The following SCAI variants were observed in gnomAD, a reference collection of about 807,000 sequenced individuals.
SCAI encodes suppressor of cancer cell invasion, also known as protein SCAI.
SCAI carries 24 observed loss-of-function variants against 92.2 expected under a neutral mutation model. The observed-to-expected ratio is 0.26, with a 90% CI of 0.19 to 0.37. SCAI has a LOEUF of 0.37. SCAI is among the 10% of genes least tolerant of loss of function. SCAI has a pLI of 1.00. For synonymous variants in SCAI, 261 were observed against 258.6 expected (o/e 1.01, Z -0.09); for missense variants, 450 against 736.2 (o/e 0.61, Z 4.50).
intron 9 of SCAI, among the ~76,000 whole-genome samples, chr9:125,004,988 A>G (rs748766265): frequency 5.3e-5 from 8 of 150,722 alleles, no homozygotes; most frequent in Non-Finnish European, 1.2e-4. Context: ...GGGTTTCTCC[A>G]TGTTGGTCAG....
At chr9:125,004,139 G>A (rs1832422582) in intron 9 of SCAI, among the ~76,000 whole-genome samples, 1 of 151,978 alleles carries the variant, frequency 6.6e-6, no homozygotes, top group Non-Finnish European at 1.5e-5. Context: ...TCGCACCATC[G>A]TATTCCAGCC....
intron 17 of SCAI, among the ~76,000 whole-genome samples, chr9:124,957,223 G>C (rs965990762): frequency 1.3e-5 from 2 of 151,910 alleles, no homozygotes; most frequent in Admixed American, 6.6e-5. Context: ...CAACTCCTGG[G>C]ATCAAGTGAT....
intron 2 of SCAI, among the ~76,000 whole-genome samples, chr9:125,089,935 T>C (rs1834398444): frequency 6.6e-6 from 1 of 152,204 alleles, no homozygotes; most frequent in Non-Finnish European, 1.5e-5. Flanking sequence ...ATAACAGATA[T>C]GTAAATGACT....
intron 2 of SCAI, among the ~76,000 whole-genome samples, chr9:125,115,822 T>G (rs187777810): frequency 6.6e-6 from 1 of 152,224 alleles, no homozygotes; most frequent in Admixed American, 6.5e-5. Context: ...ATGAGGGAAT[T>G]TCAAGGTATT....
At chr9:124,997,123 A>G (rs1032513136) in intron 13 of SCAI, among the ~76,000 whole-genome samples, 21 of 152,184 alleles carry the variant, frequency 1.4e-4, no homozygotes, top group Non-Finnish European at 4.4e-5. Flanking sequence ...ATACAGGTTC[A>G]GTATTCCTAA....
chr9:125,118,361 T>C (rs1564421166), intron 2 of SCAI, among the ~76,000 whole-genome samples: 1 of 151,336 alleles, frequency 6.6e-6, no homozygotes, highest in African/African-American at 2.4e-5. Flanking sequence ...AAAATAAAAA[T>C]AAAAAAATTA....
chr9:125,046,316 TAC>T (rs201429484), intron 3 of SCAI, among the ~76,000 whole-genome samples: 14,102 of 70,728 alleles, frequency 0.2, 1,666 homozygotes, highest in South Asian at 0.28. Context: ...CATATATATA[TAC>T]ACACACACAC....
Position 124,943,967 on chromosome 9 carries a change from G to C in SCAI, c.*8840C>G, listed in dbSNP as rs1283512253. 6.6e-6 allele frequency: 1 copy of C among 152,152 alleles called. No individual in the cohort carries two copies. Among genetic ancestry groups the C allele is most frequent in the Non-Finnish European group, 1.5e-5 (1 of 68,012 alleles). 9.4% of individuals were successfully genotyped at this position (152,152 alleles called of 1,614,324 possible). A position where few individuals can be genotyped will look rare whatever the true frequency, so the allele number is the denominator to read the frequency against. ...CTACACAACGAAGATAACCTATATG[G>C]ATAAGTTATTTTACTTGTAAACTCT... On this transcript the variant is annotated 3_prime_UTR_variant, in exon 18 of 18. Coordinates refer to ENST00000336505, the MANE Select transcript of SCAI (RefSeq NM_001144877.3).
intron 2 of SCAI, among the ~76,000 whole-genome samples, chr9:125,141,468 T>C (rs1440797602): frequency 6.6e-6 from 1 of 152,260 alleles, no homozygotes; most frequent in African/African-American, 2.4e-5. Flanking sequence ...AGAATTGCTA[T>C]GTAGTACCTC....
At chr9:125,103,134 T>G (rs1834711814) in intron 2 of SCAI, among the ~76,000 whole-genome samples, 1 of 152,128 alleles carries the variant, frequency 6.6e-6, no homozygotes, top group Non-Finnish European at 1.5e-5. Context: ...CATCACCTAG[T>G]GCTGAAAATA....
At chr9:125,064,707 A>G (rs908042828) in intron 2 of SCAI, among the ~76,000 whole-genome samples, 1 of 152,048 alleles carries the variant, frequency 6.6e-6, no homozygotes, top group Non-Finnish European at 1.5e-5. Flanking sequence ...TTAGCTGGGC[A>G]TGGTGGTGGG....
intron 2 of SCAI, among the ~76,000 whole-genome samples, chr9:125,141,848 G>A (rs1189289073): frequency 3.3e-5 from 5 of 152,120 alleles, no homozygotes; most frequent in Non-Finnish European, 7.4e-5. Context: ...TTCTCTTAGG[G>A]TTCTTTGAGG....
chr9:125,142,880 A>G (rs1340717699), intron 1 of SCAI, among the ~76,000 whole-genome samples: 2 of 151,678 alleles, frequency 1.3e-5, no homozygotes, highest in Non-Finnish European at 2.9e-5. Context: ...CGTTCCCCCA[A>G]TTCCCCCTGA....
In SCAI at chr9:124,971,722, G is replaced by A; in HGVS notation, c.1522C>T (p.Arg508Ter). The change falls in exon 16 of 18, where the codon CGA becomes TGA. Residue 508 changes from arginine to a stop codon, truncating the protein, a stop_gained. Transcript: ENST00000336505. LOFTEE classifies it high-confidence loss of function. ...GLWEKCQEYL[R>*]KINRDIAQLL... is the part of the protein sequence containing the mutation. ...TGGGCAATATCACGGTTGATTTTTC[G>A]AAGATATTCTTGACACTTTTCCCAT... 6.2e-7 allele frequency: 1 copy of A among 1,611,408 alleles called. No individual in the cohort carries two copies. The highest frequency in any genetic ancestry group is 8.5e-7 in the Non-Finnish European group (1 of 1,179,416).
chr9:125,057,477 A>G (rs775114700), intron 2 of SCAI, among the ~76,000 whole-genome samples: 12 of 152,238 alleles, frequency 7.9e-5, no homozygotes, highest in Non-Finnish European at 1.8e-4. Context: ...AGAATGTCAA[A>G]ATAATCCCAC....
intron 9 of SCAI, among the ~76,000 whole-genome samples, chr9:125,004,642 T>C (rs1832436209): frequency 6.7e-6 from 1 of 148,520 alleles, no homozygotes; most frequent in African/African-American, 2.5e-5. Context: ...CAGCCCGAAT[T>C]CTATACACAG....
intron 2 of SCAI, among the ~76,000 whole-genome samples, chr9:125,112,757 T>C (rs1193819946): frequency 2.0e-5 from 3 of 152,140 alleles, no homozygotes; most frequent in Non-Finnish European, 2.9e-5. Flanking sequence ...TCTGATTCTA[T>C]GACTGAGGAA....
intron 13 of SCAI, among the ~76,000 whole-genome samples, chr9:124,995,804 T>C (rs1005786663): frequency 2.0e-5 from 3 of 152,130 alleles, no homozygotes; most frequent in African/African-American, 7.2e-5. Context: ...TTTTACCATA[T>C]GTTTCCTCTA....
intron 2 of SCAI, among the ~76,000 whole-genome samples, chr9:125,060,257 A>G (rs1286146740): frequency 6.7e-6 from 1 of 148,158 alleles, no homozygotes; most frequent in East Asian, 2.1e-4. Flanking sequence ...TAGAAGGCTT[A>G]GTATGAAAAA....
Sources: allele counts gnomAD v4.1 joint callset (sites outside exome capture counted in the v4.1 genomes callset), GRCh38; gene constraint gnomAD v4.1.1; transcripts MANE v1.5; gene names NCBI Gene and HGNC (gene_info 2026-07-23, HGNC 2026-07-21).